WWOX: variants seen among roughly 807,000 people sequenced by gnomAD.
The protein encoded by WWOX is WW domain containing oxidoreductase.
Under a neutral mutation model 46.2 loss-of-function variants are expected in WWOX, and 69 were observed. The observed-to-expected ratio is 1.49, with a 90% CI of 1.23 to 1.82. WWOX has a LOEUF of 1.82. Among genes scored for constraint, WWOX ranks in the 40% most tolerant of loss-of-function variants. The pLI, the probability that WWOX is intolerant of heterozygous loss-of-function variation, is 0.00. For synonymous variants in WWOX, 359 were observed against 202.6 expected (o/e 1.77, Z -6.56); for missense variants, 919 against 542.6 (o/e 1.69, Z -6.89).
At chr16:78,879,877 C>A (rs907533749) in intron 8 of WWOX, among the ~76,000 whole-genome samples, 17 of 145,832 alleles carry the variant, frequency 1.2e-4, no homozygotes, top group Non-Finnish European at 1.1e-4. Flanking sequence ...AACTCTGTCT[C>A]AAAAAAAAAA....
chr16:78,876,286 T>A (rs1567619836), intron 8 of WWOX, among the ~76,000 whole-genome samples: 2 of 152,132 alleles, frequency 1.3e-5, no homozygotes, highest in African/African-American at 4.8e-5. Flanking sequence ...GTACCCATTG[T>A]ACTTTAGTCT....
chr16:78,987,951 A>G (rs1440939585), intron 8 of WWOX, among the ~76,000 whole-genome samples: 2 of 152,132 alleles, frequency 1.3e-5, no homozygotes, highest in East Asian at 3.9e-4. Flanking sequence ...AGTGGGAAAG[A>G]GGTAACAAAC....
intron 8 of WWOX, among the ~76,000 whole-genome samples, chr16:78,934,746 A>T (rs184944384): frequency 6.6e-6 from 1 of 152,244 alleles, no homozygotes; most frequent in African/African-American, 2.4e-5. Context: ...GGACAATGAC[A>T]TGATAAAAAA....
chr16:78,782,214 A>G (rs2050345203), intron 8 of WWOX, among the ~76,000 whole-genome samples: 1 of 151,954 alleles, frequency 6.6e-6, no homozygotes, highest in Admixed American at 6.6e-5. Flanking sequence ...ATCCCTTCCG[A>G]TTGACCCCAC....
chr16:79,115,700 G>A (rs1280995068), intron 8 of WWOX, among the ~76,000 whole-genome samples: 1 of 152,120 alleles, frequency 6.6e-6, no homozygotes, highest in Middle Eastern at 3.2e-3. Context: ...CGCACTGGTT[G>A]CACTTTTAAA....
rs142912350 is a variant in WWOX, at chr16:79,087,898, T to G, written c.1057-123710T>G. The stretch of plus-strand genomic sequence containing the variant: ...GGAAAGGACAGGATGTGGAAGGATG[T>G]TCTGGACTCAAGGAGGCCTAGGGAC... On this transcript the variant is annotated intron_variant, in intron 8 of 8. Transcript: ENST00000566780. Among the ~76,000 whole-genome samples, 578 of 152,256 alleles carry G rather than the reference T, an allele frequency of 3.8e-3. 1 individual carries two copies. Among genetic ancestry groups the G allele is most frequent in the African/African-American group, 0.012 (491 of 41,562 alleles).
chr16:79,100,371 C>T (rs375752337), intron 8 of WWOX, among the ~76,000 whole-genome samples: 28 of 152,138 alleles, frequency 1.8e-4, no homozygotes, highest in South Asian at 6.2e-4. Flanking sequence ...ATTAGTGATC[C>T]GATTCAGAAA....
intron 8 of WWOX, among the ~76,000 whole-genome samples, chr16:79,072,550 G>A (rs1056604302): frequency 4.6e-5 from 7 of 152,176 alleles, no homozygotes; most frequent in African/African-American, 1.4e-4. Context: ...TATTCATTTT[G>A]ACATGCTTTT....
intron 5 of WWOX, among the ~76,000 whole-genome samples, chr16:78,205,200 G>A (rs1380712193): frequency 6.6e-6 from 1 of 152,158 alleles, no homozygotes; most frequent in Non-Finnish European, 1.5e-5. Flanking sequence ...CAGTGATGGG[G>A]ATGGAATGTG....
Position 79,211,973 on chromosome 16 carries a change from T to TA in WWOX, c.*177_*178insA. On this transcript the variant is annotated 3_prime_UTR_variant, in exon 9 of 9. Coordinates refer to ENST00000566780, the MANE Select transcript of WWOX (RefSeq NM_016373.4). ...GTACCAATGGGAAGCAGGGAATTCC[T>TA]GGGGTAAAGTATCACTTTTCTGGGG... 1 of 1,534,432 alleles carries TA rather than the reference T, an allele frequency of 6.5e-7. No individual in the cohort carries two copies. Among genetic ancestry groups the TA allele is most frequent in the African/African-American group, 1.4e-5 (1 of 71,700 alleles).
At chr16:78,875,105 A>G (rs903875050) in intron 8 of WWOX, among the ~76,000 whole-genome samples, 1 of 152,136 alleles carries the variant, frequency 6.6e-6, no homozygotes, top group South Asian at 2.1e-4. Context: ...GACTCGGTGG[A>G]TTCTGAAGAG....
chr16:78,638,965 T>C (rs966374661), intron 8 of WWOX, among the ~76,000 whole-genome samples: 4 of 152,076 alleles, frequency 2.6e-5, no homozygotes, highest in Non-Finnish European at 1.5e-5. Flanking sequence ...GGGGTGCTGG[T>C]AGTGGGGGCT....
At chr16:79,007,129 C>G (rs80229259) in intron 8 of WWOX, among the ~76,000 whole-genome samples, 1,862 of 152,256 alleles carry the variant, frequency 0.012, 34 homozygotes, top group African/African-American at 0.043. Context: ...ATGACACAGA[C>G]AAGATCCTTG....
chr16:78,230,206 A>G (rs924637671), intron 5 of WWOX, among the ~76,000 whole-genome samples: 29 of 152,072 alleles, frequency 1.9e-4, no homozygotes, highest in African/African-American at 5.8e-4. Flanking sequence ...GCATCTTTCA[A>G]TCCATCTAAT....
In WWOX at chr16:78,769,728, C is replaced by T. The variant is rs1219864786; in HGVS notation, c.1056+336976C>T. Among the ~76,000 whole-genome samples the T allele has an allele frequency of 3.3e-5, 5 of 151,508 alleles. No individual in the cohort carries two copies. The East Asian group carries it at 7.8e-4, about 24-fold the overall frequency. On this transcript the variant is annotated intron_variant, in intron 8 of 8. Coordinates refer to ENST00000566780, the MANE Select transcript of WWOX (RefSeq NM_016373.4). ...AAAGGGTAAAGAGAATCAGGCCGAG[C>T]ACAGTGACTCATGCCTGTCTGTAAT...
intron 8 of WWOX, among the ~76,000 whole-genome samples, chr16:78,580,235 G>T (rs893711372): frequency 2.0e-5 from 3 of 151,912 alleles, no homozygotes; most frequent in African/African-American, 4.8e-5. Context: ...CAGCATGCCC[G>T]GCTAGCTTTT....
intron 8 of WWOX, among the ~76,000 whole-genome samples, chr16:78,449,897 CTTTT>C (rs202234395): frequency 6.9e-6 from 1 of 145,858 alleles, no homozygotes; most frequent in African/African-American, 2.5e-5. Context: ...AAAGCGTGAA[CTTTT>C]TTTTTTTTTA....
intron 8 of WWOX, among the ~76,000 whole-genome samples, chr16:78,933,362 C>G (rs1426954938): frequency 3.9e-5 from 6 of 152,152 alleles, no homozygotes; most frequent in Non-Finnish European, 1.5e-5. Context: ...CTGCTCGAAC[C>G]CAGGAGGCTG....
intron 8 of WWOX, among the ~76,000 whole-genome samples, chr16:78,920,038 A>G (rs1410215004): frequency 6.6e-6 from 1 of 152,140 alleles, no homozygotes; most frequent in African/African-American, 2.4e-5. Flanking sequence ...GTCAGCGTAG[A>G]CTAGGTTTGC....
Sources: gnomAD v4.1 joint callset for allele counts (sites outside exome capture counted in the v4.1 genomes callset) on GRCh38, gnomAD v4.1.1 for gene constraint, MANE v1.5 for transcripts, NCBI Gene and HGNC (gene_info 2026-07-23, HGNC 2026-07-21) for gene names.